Variants in WDPCP observed in about 807,000 individuals in gnomAD.
WDPCP encodes WD repeat-containing and planar cell polarity effector protein fritz homolog.
WDPCP carries 71 observed loss-of-function variants against 93.1 expected under a neutral mutation model. That is an observed-to-expected ratio of 0.76 (90% CI 0.63 to 0.93). The LOEUF is 0.93. Among genes scored for constraint, WDPCP ranks in the 40% least tolerant of loss-of-function variants. WDPCP has a pLI of 0.00. For missense variants in WDPCP, 844 were observed against 887.4 expected, an observed-to-expected ratio of 0.95 and a Z score of 0.62; for synonymous variants, 315 against 315.0, an observed-to-expected ratio of 1.00 and a Z score of 0.00.
intron 3 of WDPCP, chr2:63,595,315 A>G (rs1259134666): frequency 1.6e-5 from 12 of 742,076 alleles, no homozygotes; most frequent in Non-Finnish European, 2.5e-5. Flanking sequence ...TGACTAATTA[A>G]TGGGAATTAC....
At chr2:63,628,436 A>G (rs1009703682) in intron 3 of WDPCP, among the ~76,000 whole-genome samples, 4 of 152,196 alleles carry the variant, frequency 2.6e-5, no homozygotes, top group Non-Finnish European at 5.9e-5. Context: ...TGACAATTCT[A>G]TGTATGACTT....
chr2:63,445,155 A>G (rs2090316716), intron 6 of WDPCP, among the ~76,000 whole-genome samples: 1 of 140,298 alleles, frequency 7.1e-6, no homozygotes, highest in Admixed American at 7.6e-5. Flanking sequence ...GTAAGTTAAA[A>G]AAAAACACGT....
chr2:63,737,091 A>G (rs1401662894), intron 2 of WDPCP, among the ~76,000 whole-genome samples: 1 of 152,202 alleles, frequency 6.6e-6, no homozygotes, highest in East Asian at 1.9e-4. Context: ...GTGTACTCCC[A>G]AAACAGTTCT....
Position 63,160,217 on chromosome 2 carries a change from C to G in WDPCP, c.2079-6643G>C, listed in dbSNP as rs866834242. Among the ~76,000 whole-genome samples, 7 of 152,156 alleles carry G rather than the reference C, an allele frequency of 4.6e-5. No homozygotes were observed. The South Asian group carries it at 6.2e-4, about 14-fold the overall frequency. On this transcript the variant is annotated intron_variant, in intron 15 of 17. Coordinates refer to ENST00000272321, the MANE Select transcript of WDPCP (RefSeq NM_015910.7). Reference sequence around the variant, plus strand: ...GTGCTTACTCCATCTTACCAGGAACCAGAACCTGATAATCGTGATTTTTAA... The same window carrying G: ...GTGCTTACTCCATCTTACCAGGAACGAGAACCTGATAATCGTGATTTTTAA...
intron 3 of WDPCP, among the ~76,000 whole-genome samples, chr2:63,636,782 G>A (rs1462660637): frequency 1.3e-5 from 2 of 152,014 alleles, no homozygotes; most frequent in African/African-American, 2.4e-5. Context: ...ATGTACAGTC[G>A]ACCAGTCTTT....
At chr2:63,658,366 T>C (rs920467947) in intron 2 of WDPCP, among the ~76,000 whole-genome samples, 2 of 152,210 alleles carry the variant, frequency 1.3e-5, no homozygotes, top group Admixed American at 1.3e-4. Context: ...AGAAAGTCCT[T>C]ATGGGGATGT....
chr2:63,427,793 T>C (rs1696433098), intron 9 of WDPCP, among the ~76,000 whole-genome samples: 1 of 152,120 alleles, frequency 6.6e-6, no homozygotes, highest in Non-Finnish European at 1.5e-5. Flanking sequence ...CCAAAAGTTG[T>C]TTTCTGAGAG....
At chr2:63,631,812 C>T (rs765150826) in intron 3 of WDPCP, among the ~76,000 whole-genome samples, 1 of 152,224 alleles carries the variant, frequency 6.6e-6, no homozygotes. Context: ...CTCCAGCAAC[C>T]TTTGCTGCTC....
intron 9 of WDPCP, among the ~76,000 whole-genome samples, chr2:63,416,993 C>A (rs1695484279): frequency 6.6e-6 from 1 of 152,182 alleles, no homozygotes; most frequent in African/African-American, 2.4e-5. Context: ...TGAGCAAGAT[C>A]ATCTCTTAGA....
intron 17 of WDPCP, among the ~76,000 whole-genome samples, chr2:63,124,001 A>G (rs1391079987): frequency 6.6e-6 from 1 of 150,788 alleles, no homozygotes; most frequent in Non-Finnish European, 1.5e-5. Flanking sequence ...ATTAAATACT[A>G]TAGCTTTATT....
At chr2:63,246,787 G>A (rs562607740) in intron 14 of WDPCP, among the ~76,000 whole-genome samples, 43 of 152,306 alleles carry the variant, frequency 2.8e-4, no homozygotes, top group African/African-American at 9.9e-4. Context: ...TATACCTTCA[G>A]AGTCCATCAG....
intron 2 of WDPCP, among the ~76,000 whole-genome samples, chr2:63,741,908 T>C (rs1390386022): frequency 2.6e-5 from 4 of 152,108 alleles, no homozygotes; most frequent in Non-Finnish European, 5.9e-5. Flanking sequence ...AATTGGATCA[T>C]ACAACAGCTG....
intron 14 of WDPCP, among the ~76,000 whole-genome samples, chr2:63,189,211 T>A (rs1674863030): frequency 6.6e-6 from 1 of 152,210 alleles, no homozygotes. Flanking sequence ...CCTCTAATCT[T>A]GTACCCAAAC....
chr2:63,807,667 T>A (rs1368544767), intron 2 of WDPCP, among the ~76,000 whole-genome samples: 1 of 152,208 alleles, frequency 6.6e-6, no homozygotes, highest in Non-Finnish European at 1.5e-5. Flanking sequence ...AAAAAGTTAA[T>A]AAATTTAAAA....
At chr2:63,157,071 A>G (rs924186532) in intron 15 of WDPCP, among the ~76,000 whole-genome samples, 25 of 148,528 alleles carry the variant, frequency 1.7e-4, no homozygotes, top group African/African-American at 6.0e-4. Flanking sequence ...TTAATTATGA[A>G]TGGGTATGGA....
chr2:63,665,140 G>C (rs1312340982), intron 2 of WDPCP, among the ~76,000 whole-genome samples: 1 of 152,230 alleles, frequency 6.6e-6, no homozygotes, highest in Non-Finnish European at 1.5e-5. Context: ...TATTAGTTCA[G>C]TAGGGCTGCT....
intron 5 of WDPCP, 21 bp downstream of exon 5, chr2:63,484,896 T>C: frequency 6.8e-6 from 11 of 1,611,480 alleles, no homozygotes; most frequent in Non-Finnish European, 9.3e-6. Flanking sequence ...GTTGCCATTT[T>C]TGAAACTTTT....
In WDPCP at chr2:63,580,256, A is replaced by C. The variant is rs996722649; in HGVS notation, c.75+7941T>G. Among the ~76,000 whole-genome samples, 4 of 152,212 alleles carry C rather than the reference A, an allele frequency of 2.6e-5. No homozygotes were observed. The East Asian group carries it at 7.7e-4, about 29-fold the overall frequency. ...TGACAGACTTTGAAAATCATTTTAC[A>C]ACCATAGTAATAATTGATTCAGGCA... On this transcript the variant is annotated intron_variant, in intron 1 of 17. Coordinates refer to ENST00000272321, the MANE Select transcript of WDPCP (RefSeq NM_015910.7).
intron 3 of WDPCP, chr2:63,607,115 T>C: frequency 1.1e-6 from 1 of 887,204 alleles, no homozygotes; most frequent in South Asian, 2.0e-5. Flanking sequence ...AAAGATTACG[T>C]GCTTCTTGGT....
Sources: gnomAD v4.1 joint callset for allele counts (sites outside exome capture counted in the v4.1 genomes callset) on GRCh38, gnomAD v4.1.1 for gene constraint, MANE v1.5 for transcripts, NCBI Gene and HGNC (gene_info 2026-07-23, HGNC 2026-07-21) for gene names.